CAPN9: variants seen among roughly 807,000 people sequenced by gnomAD.
The protein encoded by CAPN9 is calpain-9.
Under a neutral mutation model 92.8 loss-of-function variants are expected in CAPN9, and 81 were observed. The observed-to-expected ratio is 0.87, with a 90% CI of 0.73 to 1.05. CAPN9 has a LOEUF of 1.05. CAPN9 is among the 50% of genes least tolerant of loss of function. The pLI is 0.00. For missense variants in CAPN9, 848 were observed against 866.2 expected (o/e 0.98, Z 0.26); for synonymous variants, 304 against 328.0 (o/e 0.93, Z 0.79).
intron 19 of CAPN9, among the ~76,000 whole-genome samples, chr1:230,799,866 C>A (rs892753595): frequency 6.6e-6 from 1 of 152,104 alleles, no homozygotes; most frequent in Non-Finnish European, 1.5e-5. Flanking sequence ...CCACTGCACT[C>A]CAGCCTGGAA....
intron 19 of CAPN9, among the ~76,000 whole-genome samples, chr1:230,799,557 C>G (rs112986258): frequency 4.6e-5 from 7 of 152,286 alleles, no homozygotes; most frequent in African/African-American, 4.8e-5. Context: ...TTGATTACTT[C>G]ATAAATAGTA....
intron 5 of CAPN9, among the ~76,000 whole-genome samples, chr1:230,768,427 C>T (rs1467013540): frequency 6.6e-6 from 1 of 152,150 alleles, no homozygotes; most frequent in Non-Finnish European, 1.5e-5. Context: ...TGGCCTGTAT[C>T]CTTCCCAGCT....
intron 8 of CAPN9, among the ~76,000 whole-genome samples, chr1:230,775,599 G>A (rs944764698): frequency 2.6e-5 from 4 of 152,132 alleles, no homozygotes; most frequent in African/African-American, 9.7e-5. Flanking sequence ...TCTTGCCTGA[G>A]CTCATCTCTT....
At chr1:230,767,773 C>T in intron 5 of CAPN9, 64 bp downstream of exon 5, 2 of 1,494,416 alleles carry the variant, frequency 1.3e-6, no homozygotes, top group East Asian at 2.3e-5. Flanking sequence ...ATTCCAGGCA[C>T]TATGCTGGGG....
intron 1 of CAPN9, among the ~76,000 whole-genome samples, chr1:230,751,518 GGAGA>G (rs1285107008): frequency 7.0e-6 from 1 of 143,166 alleles, no homozygotes; most frequent in African/African-American, 2.6e-5. Flanking sequence ...AAGGAAGGAA[GGAGA>G]GAAAGAGAAA....
At chr1:230,759,850 A>G (rs1665522518) in intron 3 of CAPN9, among the ~76,000 whole-genome samples, 1 of 152,238 alleles carries the variant, frequency 6.6e-6, no homozygotes, top group Non-Finnish European at 1.5e-5. Flanking sequence ...TGGAGCATAC[A>G]TTTAAAACTA....
intron 8 of CAPN9, chr1:230,777,033 A>T (rs1013970848): frequency 6.6e-6 from 1 of 152,246 alleles, no homozygotes; most frequent in Non-Finnish European, 1.5e-5. Context: ...ATTTTGAAGT[A>T]CAGGGGACTT....
chr1:230,767,244 C>A (rs1011021164), intron 4 of CAPN9, among the ~76,000 whole-genome samples: 2 of 152,146 alleles, frequency 1.3e-5, no homozygotes, highest in African/African-American at 4.8e-5. Context: ...GCGACTTGGT[C>A]ATTCAGATGG....
intron 16 of CAPN9, 94 bp from the exon 17 acceptor site, chr1:230,792,756 G>A (rs1413862420): frequency 7.5e-6 from 8 of 1,065,828 alleles, no homozygotes; most frequent in Admixed American, 3.5e-5. Flanking sequence ...CCCCTAGAGG[G>A]TAGCTCCCCC....
intron 8 of CAPN9, 112 bp from the exon 9 acceptor site, chr1:230,778,861 C>T (rs532569955): frequency 7.1e-5 from 72 of 1,010,336 alleles, no homozygotes; most frequent in African/African-American, 3.2e-4. Context: ...CCACTCCTTG[C>T]GGACAGGAAC....
intron 7 of CAPN9, 128 bp from the exon 8 acceptor site, chr1:230,774,426 G>C: frequency 1.5e-6 from 1 of 670,928 alleles, no homozygotes; most frequent in Non-Finnish European, 2.7e-6. Context: ...GTGCATTTTT[G>C]GGACCCAGTG....
intron 9 of CAPN9, 57 bp from the exon 10 acceptor site, chr1:230,780,115 TGTGTGTG>T: frequency 2.3e-6 from 2 of 865,360 alleles, no homozygotes; most frequent in Non-Finnish European, 1.8e-6. Flanking sequence ...TGTGTGTGTG[TGTGTGTG>T]GTCTTTGTGG....
intron 3 of CAPN9, among the ~76,000 whole-genome samples, chr1:230,762,192 G>A (rs534172821): frequency 3.9e-5 from 6 of 152,318 alleles, no homozygotes; most frequent in South Asian, 2.1e-4. Flanking sequence ...ACTTATGGGC[G>A]AGGAGGGAGC....
chr1:230,751,621 A>AAG (rs1470980640), intron 1 of CAPN9, among the ~76,000 whole-genome samples: 1 of 56,306 alleles, frequency 1.8e-5, no homozygotes, highest in Non-Finnish European at 3.4e-5. Flanking sequence ...GAAAGAAAGA[A>AAG]AGAAAGAAAG....
intron 14 of CAPN9, 43 bp downstream of exon 14, chr1:230,790,232 GA>G (rs1389964792): frequency 3.1e-6 from 5 of 1,609,882 alleles, no homozygotes; most frequent in Non-Finnish European, 4.2e-6. Flanking sequence ...CCTATGGAGG[GA>G]CAAGCGACCA....
chr1:230,765,137 C>T (rs1241847760), intron 4 of CAPN9, among the ~76,000 whole-genome samples: 2 of 151,490 alleles, frequency 1.3e-5, no homozygotes, highest in East Asian at 3.9e-4. Flanking sequence ...CATATATATA[C>T]ACATACATAT....
intron 11 of CAPN9, among the ~76,000 whole-genome samples, chr1:230,784,430 A>G (rs1194783831): frequency 6.6e-6 from 1 of 152,228 alleles, no homozygotes; most frequent in Non-Finnish European, 1.5e-5. Flanking sequence ...AAGAGGAAAA[A>G]AATGGCTTCA....
intron 4 of CAPN9, 85 bp from the exon 5 acceptor site, chr1:230,767,456 T>C (rs1192307920): frequency 8.8e-7 from 1 of 1,136,472 alleles, no homozygotes; most frequent in Non-Finnish European, 1.2e-6. Context: ...GCTTCAGGCT[T>C]AGTTAGAAAA....
At chr1:230,764,552 T>C (rs1011141767) in intron 4 of CAPN9, among the ~76,000 whole-genome samples, 2 of 152,202 alleles carry the variant, frequency 1.3e-5, no homozygotes, top group African/African-American at 4.8e-5. Flanking sequence ...AATAACCTCA[T>C]TGAAGGGGTT....
Sources: gnomAD v4.1 joint callset for allele counts (sites outside exome capture counted in the v4.1 genomes callset) on GRCh38, gnomAD v4.1.1 for gene constraint, MANE v1.5 for transcripts, NCBI Gene and HGNC (gene_info 2026-07-23, HGNC 2026-07-21) for gene names.